Variants in ATP2B2 observed in about 807,000 individuals in gnomAD.
ATP2B2 encodes plasma membrane calcium-transporting ATPase 2.
A neutral mutation model predicts 120.0 loss-of-function variants in ATP2B2; 15 were observed. The ratio of observed to expected loss-of-function variants is 0.12; its 90% CI spans 0.08 to 0.19. The LOEUF (loss-of-function observed/expected upper bound fraction) is 0.19. Ranked by LOEUF, ATP2B2 falls within the 10% of genes least tolerant of loss-of-function variation. The probability of loss-of-function intolerance (pLI) is 1.00; values close to 1 mark genes in which losing one functional copy is unlikely to be tolerated. For missense variants in ATP2B2, 1,045 were observed against 1,719.8 expected, an observed-to-expected ratio of 0.61 and a Z score of 6.94; for synonymous variants, 694 against 700.3, an observed-to-expected ratio of 0.99 and a Z score of 0.14.
At chr3:10,377,008 C>T (rs575048566) in intron 10 of ATP2B2, among the ~76,000 whole-genome samples, 146 of 152,294 alleles carry the variant, frequency 9.6e-4, no homozygotes, top group South Asian at 2.7e-3. Context: ...AGATCCCCTG[C>T]CTACCCATCT....
intron 12 of ATP2B2, among the ~76,000 whole-genome samples, chr3:10,368,186 T>C (rs1575033977): frequency 1.4e-5 from 1 of 69,388 alleles, no homozygotes; most frequent in African/African-American, 6.1e-5. Context: ...GCAAATACTC[T>C]TTTTTTTTTT....
rs1340060722 is a variant in ATP2B2, at chr3:10,329,614, C to T, written c.3421-489G>A. Among the ~76,000 whole-genome samples the T allele has an allele frequency of 2.0e-5, 3 of 152,028 alleles. No individual in the cohort carries two copies. The highest frequency in any genetic ancestry group is 2.9e-5 in the Non-Finnish European group (2 of 68,024). ...AAACCATACAACATGGAACATGTTA[C>T]GTGTCACAAACAGAAAAGGCACAGA... On this transcript the variant is annotated intron_variant, in intron 22 of 22. Transcript: ENST00000360273. The surrounding 1 kb of genome is among the most constrained non-coding windows in gnomAD (Gnocchi z 5.9).
chr3:10,445,347 G>C (rs1189581053), intron 2 of ATP2B2, among the ~76,000 whole-genome samples: 1 of 144,654 alleles, frequency 6.9e-6, no homozygotes, highest in East Asian at 1.9e-4. Flanking sequence ...ATGGAACTCA[G>C]GTTTCTGGGA....
chr3:10,610,377 T>G (rs2125607156), intron 2 of ATP2B2, among the ~76,000 whole-genome samples: 1 of 152,002 alleles, frequency 6.6e-6, no homozygotes, highest in African/African-American at 2.4e-5. Context: ...CCCCCAATTT[T>G]TGAGCCCCTT....
Position 10,375,280 on chromosome 3 carries a change from G to T in ATP2B2, c.1416+150C>A. The T allele has an allele frequency of 1.5e-6, 1 of 656,730 alleles. No individual in the cohort carries two copies. The highest frequency in any genetic ancestry group is 2.5e-5 in the Admixed American group (1 of 40,206). The allele number at this position is 656,730 out of a possible 1,614,324, so 40.7% of individuals were successfully genotyped here. Reference sequence around the variant, plus strand: ...ACTCTATGAAAGCGTCAGAGTTTTGGGGTCCTGCATACATTCTTCTTCCAA... The same window carrying T: ...ACTCTATGAAAGCGTCAGAGTTTTGTGGTCCTGCATACATTCTTCTTCCAA... On this transcript the variant is annotated intron_variant, in intron 11 of 22. Coordinates refer to ENST00000360273, the MANE Select transcript of ATP2B2 (RefSeq NM_001001331.4). The surrounding 1 kb of genome is among the most constrained non-coding windows in gnomAD (Gnocchi z 4.2).
chr3:10,466,873 G>A (rs1467830843), intron 1 of ATP2B2, among the ~76,000 whole-genome samples: 1 of 152,202 alleles, frequency 6.6e-6, no homozygotes, highest in Non-Finnish European at 1.5e-5. Flanking sequence ...CAGAGATAGC[G>A]ACATCTCCAG....
At chr3:10,516,898 G>C (rs535701657) in intron 3 of ATP2B2, among the ~76,000 whole-genome samples, 19 of 152,256 alleles carry the variant, frequency 1.2e-4, no homozygotes, top group African/African-American at 4.3e-4. Flanking sequence ...TGATTGTAAA[G>C]TGTCATGCTA....
At chr3:10,385,199 C>A in intron 8 of ATP2B2, 69 bp downstream of exon 8, 1 of 1,499,758 alleles carries the variant, frequency 6.7e-7, no homozygotes, top group Non-Finnish European at 9.3e-7. Flanking sequence ...GGAAAGAAAG[C>A]CCAAAGTTGG....
intron 2 of ATP2B2, among the ~76,000 whole-genome samples, chr3:10,584,483 C>T (rs2068461986): frequency 6.6e-6 from 1 of 152,148 alleles, no homozygotes; most frequent in South Asian, 2.1e-4. Flanking sequence ...TGCATCCTCA[C>T]ACCCATGGGC....
chr3:10,708,031 C>T (rs2071926893), upstream of ATP2B2: 1 of 145,470 alleles, frequency 6.9e-6, no homozygotes, highest in Admixed American at 6.8e-5. Context: ...CGCGGCTGCC[C>T]CGCGCTCGCC....
intron 2 of ATP2B2, among the ~76,000 whole-genome samples, chr3:10,591,773 C>T (rs12107298): frequency 0.36 from 55,132 of 152,082 alleles, 10,466 homozygotes; most frequent in East Asian, 0.73. Flanking sequence ...CGATCCCAGA[C>T]GAGGGAGCTT....
At chr3:10,358,033 A>G (rs886337378) in intron 14 of ATP2B2, among the ~76,000 whole-genome samples, 2 of 152,346 alleles carry the variant, frequency 1.3e-5, no homozygotes, top group Middle Eastern at 3.4e-3. Flanking sequence ...ACTGATAGGC[A>G]TCGCCTCCCT....
chr3:10,387,999 G>A (rs2061731160), intron 6 of ATP2B2: 4 of 436,642 alleles, frequency 9.2e-6, no homozygotes, highest in Non-Finnish European at 1.7e-5. Context: ...TGAGGCTGGA[G>A]ACTCAACAAC....
intron 2 of ATP2B2, among the ~76,000 whole-genome samples, chr3:10,606,307 C>T (rs575965587): frequency 7.9e-5 from 12 of 152,152 alleles, no homozygotes; most frequent in Admixed American, 1.3e-4. Flanking sequence ...ATATACTCCA[C>T]GGCCAGAGTG....
intron 2 of ATP2B2, among the ~76,000 whole-genome samples, chr3:10,444,580 C>T (rs1202513061): frequency 6.6e-6 from 1 of 152,220 alleles, no homozygotes; most frequent in Non-Finnish European, 1.5e-5. Flanking sequence ...ATCCAGTTCC[C>T]ACTCCACCCT....
chr3:10,343,973 T>C lies in ATP2B2; in HGVS notation c.2704-1008A>G, dbSNP rs2060357293. On this transcript the variant is annotated intron_variant, in intron 18 of 22. Transcript: ENST00000360273. The surrounding 1 kb of genome is among the most constrained non-coding windows in gnomAD (Gnocchi z 4.2). ...TGTAAGCTCAACAGCCCAAACCCGA[T>C]GCTCTTCCCACCTCTGTTCTCTCCC... Among the ~76,000 whole-genome samples, 1 of 151,926 alleles carries C rather than the reference T, an allele frequency of 6.6e-6. No homozygotes were observed. Among genetic ancestry groups the C allele is most frequent in the Non-Finnish European group, 1.5e-5 (1 of 67,980 alleles).
At chr3:10,634,045 C>G (rs369367548) in intron 1 of ATP2B2, among the ~76,000 whole-genome samples, 1 of 152,158 alleles carries the variant, frequency 6.6e-6, no homozygotes, top group Admixed American at 6.5e-5. Flanking sequence ...TCTTCCTTGC[C>G]GCCTTTCTGC....
rs1253332335 is a variant in ATP2B2, at chr3:10,410,806, C to T, written c.209G>A (p.Gly70Asp). The change falls in exon 3 of 23, where the codon GGC becomes GAC. Residue 70 changes from glycine (G) to aspartate (D), a missense_variant. Physicochemically the swap from Gly to Asp is moderately conservative, Grantham distance 94. Coordinates refer to ENST00000360273, the MANE Select transcript of ATP2B2 (RefSeq NM_001001331.4). ...LKTSPVEGLP[G>D]TAPDLEKRKQ... ...TCTCTTTTCCAGGTCTGGAGCGGTG[C>T]CCGGCAAACCTGTGGACAGAGAACA... The T allele has an allele frequency of 1.2e-6, 2 of 1,613,812 alleles. No homozygotes were observed. Among genetic ancestry groups the T allele is most frequent in the Middle Eastern group, 1.7e-4 (1 of 5,976 alleles).
At position 10,703,193 on chromosome 3, in the gene ATP2B2, C is replaced by T. The variant is rs138530016; in HGVS notation, c.-460+4722G>A. 5.7e-4 allele frequency among the ~76,000 whole-genome samples: 87 copies of T among 152,272 alleles called. 1 individual carries two copies. In the East Asian group the frequency reaches 0.014, roughly 25 times the overall value. Reference sequence around the variant, plus strand: ...CTTTCCTGGCTCCACCCTCAGGAGGCGGGGTGTCTTCTCTTATTGGTCAAC... The same window carrying T: ...CTTTCCTGGCTCCACCCTCAGGAGGTGGGGTGTCTTCTCTTATTGGTCAAC... On this transcript the variant is annotated intron_variant, in intron 1 of 21. Transcript: ENST00000646379.
Sources: allele counts gnomAD v4.1 joint callset (sites outside exome capture counted in the v4.1 genomes callset), GRCh38; gene constraint gnomAD v4.1.1; non-coding constraint Gnocchi (gnomAD v3.1); transcripts MANE v1.5; gene names NCBI Gene and HGNC (gene_info 2026-07-23, HGNC 2026-07-21).